The following ENOX1 variants were observed in gnomAD, a reference collection of about 807,000 sequenced individuals.
ENOX1 encodes the protein candidate growth-related and time keeping constitutive hydroquinone (NADH) oxidase.
ENOX1 carries 42 observed loss-of-function variants against 82.5 expected under a neutral mutation model. The observed-to-expected ratio is 0.51, with a 90% CI of 0.40 to 0.66. The LOEUF is 0.66. ENOX1 is among the 30% of genes least tolerant of loss of function. The pLI is 0.00. For synonymous variants in ENOX1, 271 were observed against 282.2 expected, an observed-to-expected ratio of 0.96 and a Z score of 0.40; for missense variants, 608 against 811.6, an observed-to-expected ratio of 0.75 and a Z score of 3.05.
At chr13:43,389,881 C>T (rs1304023730) in intron 5 of ENOX1, among the ~76,000 whole-genome samples, 2 of 152,162 alleles carry the variant, frequency 1.3e-5, no homozygotes, top group Non-Finnish European at 2.9e-5. Context: ...CTGTCCTATT[C>T]TTCCCTGGAG....
At chr13:43,421,325 CA>C (rs2054961879) in intron 3 of ENOX1, among the ~76,000 whole-genome samples, 1 of 152,162 alleles carries the variant, frequency 6.6e-6, no homozygotes, top group Admixed American at 6.5e-5. Context: ...GGCAATACAA[CA>C]GACAGTCCTC....
At chr13:43,494,516 T>C (rs2076728707) in intron 2 of ENOX1, among the ~76,000 whole-genome samples, 1 of 152,206 alleles carries the variant, frequency 6.6e-6, no homozygotes, top group Non-Finnish European at 1.5e-5. Context: ...TAACTTATTG[T>C]TTACGATTTA....
chr13:43,573,184 C>T (rs1351351367), intron 2 of ENOX1, among the ~76,000 whole-genome samples: 6 of 152,154 alleles, frequency 3.9e-5, no homozygotes, highest in African/African-American at 1.4e-4. Flanking sequence ...TAATGACTGC[C>T]GGTCTGCTAG....
At chr13:43,273,926 A>G (rs2153485010) in intron 12 of ENOX1, among the ~76,000 whole-genome samples, 1 of 152,306 alleles carries the variant, frequency 6.6e-6, no homozygotes, top group East Asian at 1.9e-4. Context: ...CTGCTGAATG[A>G]ATAAATGAAT....
intron 11 of ENOX1, among the ~76,000 whole-genome samples, chr13:43,320,204 T>C (rs2047725618): frequency 1.3e-5 from 2 of 152,352 alleles, no homozygotes; most frequent in Admixed American, 1.3e-4. Context: ...ATCAGTCCTG[T>C]GCTTTCTTCA....
At chr13:43,751,443 C>A (rs1482580542) in intron 1 of ENOX1, among the ~76,000 whole-genome samples, 1 of 152,140 alleles carries the variant, frequency 6.6e-6, no homozygotes, top group African/African-American at 2.4e-5. Flanking sequence ...GAACATATAT[C>A]CATACCTGTG....
At chr13:43,221,038 G>A (rs1342492909) in intron 16 of ENOX1, among the ~76,000 whole-genome samples, 1 of 152,208 alleles carries the variant, frequency 6.6e-6, no homozygotes, top group African/African-American at 2.4e-5. Flanking sequence ...TCCCCTCTGT[G>A]GGAAATGTAA....
chr13:43,424,286 T>C (rs2055157536), intron 3 of ENOX1, among the ~76,000 whole-genome samples: 1 of 152,220 alleles, frequency 6.6e-6, no homozygotes, highest in Non-Finnish European at 1.5e-5. Flanking sequence ...TTTTTCATTA[T>C]GTACTCATTT....
chr13:43,401,612 A>G (rs2053501387), intron 5 of ENOX1, among the ~76,000 whole-genome samples: 1 of 152,180 alleles, frequency 6.6e-6, no homozygotes, highest in African/African-American at 2.4e-5. Context: ...CTGTGGCTGC[A>G]TGTTGATTAG....
intron 2 of ENOX1, among the ~76,000 whole-genome samples, chr13:43,614,378 CCTAT>C (rs1327444445): frequency 1.3e-5 from 2 of 152,064 alleles, no homozygotes; most frequent in African/African-American, 4.8e-5. Context: ...TGAAGTTACC[CCTAT>C]CTGTGTGATC....
intron 2 of ENOX1, among the ~76,000 whole-genome samples, chr13:43,506,413 T>C (rs1324847794): frequency 6.7e-6 from 1 of 150,110 alleles, no homozygotes; most frequent in Non-Finnish European, 1.5e-5. Context: ...TCAACCATTG[T>C]GGAAGTCGGT....
At chr13:43,533,998 G>T (rs2078344517) in intron 2 of ENOX1, among the ~76,000 whole-genome samples, 1 of 152,124 alleles carries the variant, frequency 6.6e-6, no homozygotes, top group Admixed American at 6.6e-5. Flanking sequence ...CCGTAATTTA[G>T]TGTAAAATGA....
At chr13:43,317,775 G>A (rs748293598) in intron 11 of ENOX1, among the ~76,000 whole-genome samples, 2 of 152,186 alleles carry the variant, frequency 1.3e-5, no homozygotes, top group African/African-American at 2.4e-5. Flanking sequence ...GGAGGCCGAG[G>A]TGAGCGGCTC....
intron 1 of ENOX1, among the ~76,000 whole-genome samples, chr13:43,670,073 C>T (rs927383247): frequency 6.6e-6 from 1 of 152,132 alleles, no homozygotes; most frequent in Middle Eastern, 3.2e-3. Flanking sequence ...GCTTCATTAC[C>T]AGTAAGAGCC....
chr13:43,279,991 G>C (rs1280836959), intron 12 of ENOX1, among the ~76,000 whole-genome samples: 1 of 152,216 alleles, frequency 6.6e-6, no homozygotes, highest in South Asian at 2.1e-4. Flanking sequence ...CCTTGCCTTT[G>C]CTGGCAGTTC....
intron 5 of ENOX1, among the ~76,000 whole-genome samples, chr13:43,393,869 G>A (rs1661575188): frequency 6.6e-6 from 1 of 152,180 alleles, no homozygotes; most frequent in African/African-American, 2.4e-5. Context: ...AGGTGTTTGG[G>A]TCATGGGAGT....
chr13:43,747,064 A>G (rs925178438), intron 1 of ENOX1, among the ~76,000 whole-genome samples: 2 of 152,160 alleles, frequency 1.3e-5, no homozygotes, highest in Non-Finnish European at 2.9e-5. Flanking sequence ...GAATGGTGAC[A>G]AGTATAAGTG....
intron 1 of ENOX1, among the ~76,000 whole-genome samples, chr13:43,785,639 G>A (rs948956177): frequency 1.3e-5 from 2 of 152,174 alleles, no homozygotes. Context: ...GTGAAGAAGC[G>A]TGGCTCAGTG....
intron 3 of ENOX1, among the ~76,000 whole-genome samples, chr13:43,442,589 A>G (rs1217099498): frequency 2.0e-5 from 3 of 152,174 alleles, no homozygotes; most frequent in African/African-American, 7.2e-5. Context: ...CAGTCTGGAA[A>G]AAATGAAAAT....
Sources: gnomAD v4.1 joint callset for allele counts (sites outside exome capture counted in the v4.1 genomes callset) on GRCh38, gnomAD v4.1.1 for gene constraint, MANE v1.5 for transcripts, NCBI Gene and HGNC (gene_info 2026-07-23, HGNC 2026-07-21) for gene names.